The following VAMP2 variants were observed in gnomAD, a reference collection of about 807,000 sequenced individuals.
VAMP2 encodes vesicle associated membrane protein 2.
For missense variants in VAMP2, 95 were observed against 151.3 expected, an observed-to-expected ratio of 0.63 and a Z score of 1.95; for synonymous variants, 67 against 57.3, an observed-to-expected ratio of 1.17 and a Z score of -0.76.
chr17:8,162,746 C>G, intron 1 of VAMP2, 132 bp downstream of exon 1: 1 of 1,276,216 alleles, frequency 7.8e-7, no homozygotes, highest in Non-Finnish European at 9.9e-7. Context: ...CGCCCGCGCG[C>G]AGTCACCGGC....
chr17:8,162,789 G>T, intron 1 of VAMP2, 89 bp downstream of exon 1: 6 of 1,229,640 alleles, frequency 4.9e-6, no homozygotes, highest in Non-Finnish European at 6.1e-6. Flanking sequence ...GGGAACGCAG[G>T]AGAGACCCCG....
At chr17:8,161,951 C>T (rs1002904084) in intron 2 of VAMP2, among the ~76,000 whole-genome samples, 185 bp from the exon 3 acceptor site, 1 of 152,152 alleles carries the variant, frequency 6.6e-6, no homozygotes, top group Non-Finnish European at 1.5e-5. Context: ...ACATCAGGGG[C>T]ATGCTGGTGA....
chr17:8,160,909 G>C, intron 4 of VAMP2, 38 bp from the exon 5 acceptor site: 6 of 1,541,556 alleles, frequency 3.9e-6, no homozygotes, highest in Non-Finnish European at 5.4e-6. Context: ...AAGAGGGAGA[G>C]GGGAGAGAAA....
chr17:8,162,470 C>A lies in VAMP2; in HGVS notation c.3-101G>T, dbSNP rs200302470. ...TGTCCATCCTCGTCCCTCCAGTCCT[C>A]CTTTTCGGGAGGAAGGCCACCCGAT... On this transcript the variant is annotated intron_variant, in intron 1 of 4. Coordinates refer to ENST00000316509, the MANE Select transcript of VAMP2 (RefSeq NM_014232.3). 6.8e-3 allele frequency: 10,509 copies of A among 1,554,334 alleles called. 56 individuals carry two copies. The highest frequency in any genetic ancestry group is 8.0e-3 in the Non-Finnish European group (9,222 of 1,150,000).
intron 1 of VAMP2, 124 bp downstream of exon 1, chr17:8,162,754 G>A: frequency 7.9e-7 from 1 of 1,265,180 alleles, no homozygotes; most frequent in South Asian, 2.9e-5. Context: ...CGCAGTCACC[G>A]GCTTGGGCCT....
chr17:8,160,936 G>A (rs1983294346), intron 4 of VAMP2, 65 bp from the exon 5 acceptor site: 20 of 1,457,844 alleles, frequency 1.4e-5, no homozygotes, highest in Non-Finnish European at 1.9e-5. Context: ...GAACAAGAAA[G>A]CAGTGTGTCA....
chr17:8,161,381 G>A lies in VAMP2; in HGVS notation c.334+92C>T, dbSNP rs1449498057. On this transcript the variant is annotated intron_variant, in intron 4 of 4. Coordinates refer to ENST00000316509, the MANE Select transcript of VAMP2 (RefSeq NM_014232.3). Reference sequence around the variant, plus strand: ...GCAGCTATATGTGTTTTTGGCTGAAGAGTAAAAACTAGATTAATGACCTTC... The same window carrying A: ...GCAGCTATATGTGTTTTTGGCTGAAAAGTAAAAACTAGATTAATGACCTTC... The A allele has an allele frequency of 2.6e-6, 4 of 1,516,790 alleles. No homozygotes were observed. In the African/African-American group the frequency reaches 4.2e-5, roughly 16 times the overall value. The allele number at this position is 1,516,790 out of a possible 1,614,324, so 94.0% of individuals were successfully genotyped here.
At position 8,160,649 on chromosome 17, in the gene VAMP2, T is replaced by C. The variant is rs1983280345; in HGVS notation, c.*206A>G. 2.9e-6 allele frequency: 1 copy of C among 341,548 alleles called. No homozygotes were observed. 21.2% of individuals were successfully genotyped at this position (341,548 alleles called of 1,614,324 possible). A position where few individuals can be genotyped will look rare whatever the true frequency, so the allele number is the denominator to read the frequency against. ...GTTAAGGACAACCGGAAAAATCATC[T>C]AGTAATAAAACTACAAACAGACCAA... On this transcript the variant is annotated 3_prime_UTR_variant, in exon 5 of 5. Coordinates refer to ENST00000316509, the MANE Select transcript of VAMP2 (RefSeq NM_014232.3).
At chr17:8,160,908 A>T in intron 4 of VAMP2, 37 bp from the exon 5 acceptor site, 1 of 1,562,620 alleles carries the variant, frequency 6.4e-7, no homozygotes, top group Non-Finnish European at 8.8e-7. Context: ...GAAGAGGGAG[A>T]GGGGAGAGAA....
chr17:8,160,827 C>A lies in VAMP2; in HGVS notation c.*28G>T. On this transcript the variant is annotated 3_prime_UTR_variant, in exon 5 of 5. Transcript: ENST00000316509. ...GCTGAGGGTTGGGGGAGAGGCCCTT[C>A]TCTAGGCAGGGCAGACTCCTCGGGG... The A allele has an allele frequency of 6.2e-7, 1 of 1,606,684 alleles. No homozygotes were observed. Among genetic ancestry groups the A allele is most frequent in the Non-Finnish European group, 8.5e-7 (1 of 1,175,792 alleles).
chr17:8,162,219 C>T (rs778824391), intron 2 of VAMP2, 30 bp downstream of exon 2: 2 of 1,511,236 alleles, frequency 1.3e-6, no homozygotes, highest in South Asian at 2.7e-5. Flanking sequence ...CAGGGTCCCT[C>T]CTACTGCTTT....
chr17:8,162,493 G>A lies in VAMP2; in HGVS notation c.3-124C>T, dbSNP rs761415532. 2.5e-5 allele frequency: 39 copies of A among 1,547,746 alleles called. 1 individual carries two copies. The highest frequency in any genetic ancestry group is 3.4e-5 in the Non-Finnish European group (39 of 1,146,786). On this transcript the variant is annotated intron_variant, in intron 1 of 4. Transcript: ENST00000316509. ...CTCCTTTTCGGGAGGAAGGCCACCC[G>A]ATGTAAGCCCTGGTCTCGGTCCAGC...
intron 4 of VAMP2, 69 bp from the exon 5 acceptor site, chr17:8,160,940 T>C: frequency 7.1e-7 from 1 of 1,414,366 alleles, no homozygotes; most frequent in South Asian, 1.2e-5. Context: ...AAGAAAGCAG[T>C]GTGTCAGGCC....
At position 8,160,678 on chromosome 17, in the gene VAMP2, T is replaced by A. The variant is rs1234839455; in HGVS notation, c.*177A>T. ...AATAAAACTACAAACAGACCAAATA[T>A]ATATAATATTATATATGTATAAATA... On this transcript the variant is annotated 3_prime_UTR_variant, in exon 5 of 5. Transcript: ENST00000316509. 1.3e-5 allele frequency: 5 copies of A among 390,916 alleles called. No homozygotes were observed. The highest frequency in any genetic ancestry group is 2.1e-5 in the Non-Finnish European group (5 of 232,598). 24.2% of individuals were successfully genotyped at this position (390,916 alleles called of 1,614,324 possible).
Position 8,160,381 on chromosome 17 carries a change from T to TG in VAMP2, c.*473_*474insC. On this transcript the variant is annotated 3_prime_UTR_variant, in exon 5 of 5. Coordinates refer to ENST00000316509, the MANE Select transcript of VAMP2 (RefSeq NM_014232.3). ...AAGGAAGCCTGGACAGGTGCTGTTGTTTTTTTTTTTTTTTTTTTTTTTTTG... is the reference window on the plus strand; with the variant it reads ...AAGGAAGCCTGGACAGGTGCTGTTGTGTTTTTTTTTTTTTTTTTTTTTTTTG... The TG allele has an allele frequency of 1.2e-5, 1 of 81,788 alleles. No homozygotes were observed. The highest frequency in any genetic ancestry group is 9.1e-4 in the East Asian group (1 of 1,100). 5.1% of individuals were successfully genotyped at this position (81,788 alleles called of 1,614,324 possible). A position where few individuals can be genotyped will look rare whatever the true frequency, so the allele number is the denominator to read the frequency against.
At chr17:8,162,472 T>A (rs1232569680) in intron 1 of VAMP2, 103 bp from the exon 2 acceptor site, 1 of 1,553,710 alleles carries the variant, frequency 6.4e-7, no homozygotes, top group Admixed American at 2.0e-5. Context: ...CCAGTCCTCC[T>A]TTTCGGGAGG....
Position 8,161,542 on chromosome 17 carries a change from G to C in VAMP2, c.283-18C>G. 1 of 1,614,130 alleles carries C rather than the reference G, an allele frequency of 6.2e-7. No homozygotes were observed. Among genetic ancestry groups the C allele is most frequent in the Non-Finnish European group, 8.5e-7 (1 of 1,179,996 alleles). ...ATCATCATCTGGGGGTGAGAGGCGAGGATCAGTAAGACAAACTATGATACC... is the reference window on the plus strand; with the variant it reads ...ATCATCATCTGGGGGTGAGAGGCGACGATCAGTAAGACAAACTATGATACC... On this transcript the variant is annotated intron_variant, in intron 3 of 4. Transcript: ENST00000316509.
chr17:8,162,736 C>T (rs1983356049), intron 1 of VAMP2, 142 bp downstream of exon 1: 1 of 1,278,126 alleles, frequency 7.8e-7, no homozygotes, highest in Non-Finnish European at 9.8e-7. Flanking sequence ...GCTCCTCGGC[C>T]GCCCGCGCGC....
At chr17:8,161,900 A>G (rs1983324187) in intron 2 of VAMP2, 134 bp from the exon 3 acceptor site, 8 of 1,372,182 alleles carry the variant, frequency 5.8e-6, no homozygotes. Flanking sequence ...CCAAGGACAC[A>G]CAGAACATGC....
Sources: allele counts gnomAD v4.1 joint callset (sites outside exome capture counted in the v4.1 genomes callset), GRCh38; gene constraint gnomAD v4.1.1; transcripts MANE v1.5; gene names NCBI Gene and HGNC (gene_info 2026-07-23, HGNC 2026-07-21).